The following NR2F1-AS1 variants were observed in gnomAD, a reference collection of about 807,000 sequenced individuals.
The protein encoded by NR2F1-AS1 is NR2F1 antisense RNA 1.
chr5:93,537,874 A>G (rs1751871238), intron 4 of NR2F1-AS1, among the ~76,000 whole-genome samples: 1 of 152,178 alleles, frequency 6.6e-6, no homozygotes, highest in Non-Finnish European at 1.5e-5. Context: ...ATTGATTCTC[A>G]GCTACGCCAC....
chr5:93,573,457 G>C (rs1419195922), intron 1 of NR2F1-AS1, among the ~76,000 whole-genome samples: 25 of 152,224 alleles, frequency 1.6e-4, no homozygotes, highest in African/African-American at 4.8e-4. Flanking sequence ...CACTCCCGAG[G>C]ACTTGGGGCA....
At chr5:93,449,448 T>C (rs148932809) in intron 4 of NR2F1-AS1, among the ~76,000 whole-genome samples, 77 of 152,318 alleles carry the variant, frequency 5.1e-4, no homozygotes, top group Non-Finnish European at 1.1e-3. Context: ...CCAATAGGAA[T>C]GTATGTTTTA....
intron 4 of NR2F1-AS1, among the ~76,000 whole-genome samples, chr5:93,454,091 T>A (rs1411881714): frequency 2.0e-5 from 3 of 152,160 alleles, no homozygotes; most frequent in Non-Finnish European, 4.4e-5. Context: ...CTGGGCAATA[T>A]GGCAAGACCT....
At chr5:93,573,980 A>G (rs903426622) in intron 1 of NR2F1-AS1, among the ~76,000 whole-genome samples, 1 of 152,226 alleles carries the variant, frequency 6.6e-6, no homozygotes, top group East Asian at 1.9e-4. Flanking sequence ...TAAAGCAATT[A>G]CCCATCGTTG....
At chr5:93,455,109 T>C (rs545223682) in intron 4 of NR2F1-AS1, among the ~76,000 whole-genome samples, 1 of 152,128 alleles carries the variant, frequency 6.6e-6, no homozygotes, top group Non-Finnish European at 1.5e-5. Flanking sequence ...GTGGCTGGCA[T>C]CTGAAGTGAA....
chr5:93,480,235 A>G (rs1750573034), intron 4 of NR2F1-AS1, among the ~76,000 whole-genome samples: 1 of 152,216 alleles, frequency 6.6e-6, no homozygotes, highest in African/African-American at 2.4e-5. Flanking sequence ...AACTGCTGAT[A>G]GACAAAGACA....
At chr5:93,472,569 G>A (rs1750389004) in intron 4 of NR2F1-AS1, among the ~76,000 whole-genome samples, 1 of 151,714 alleles carries the variant, frequency 6.6e-6, no homozygotes, top group Non-Finnish European at 1.5e-5. Flanking sequence ...ATACATATAT[G>A]TAAAATATTT....
intron 4 of NR2F1-AS1, among the ~76,000 whole-genome samples, chr5:93,538,716 T>G (rs551044111): frequency 6.6e-6 from 1 of 152,322 alleles, no homozygotes; most frequent in Non-Finnish European, 1.5e-5. Flanking sequence ...GAGTAAATAA[T>G]TATCTTGTTT....
At chr5:93,563,587 T>C (rs1363876169) in intron 1 of NR2F1-AS1, 1 of 152,188 alleles carries the variant, frequency 6.6e-6, no homozygotes, top group Non-Finnish European at 1.5e-5. Context: ...CTAAAGAAGC[T>C]TTCCCAGACA....
At chr5:93,541,312 C>T (rs1423604378) in intron 4 of NR2F1-AS1, among the ~76,000 whole-genome samples, 2 of 152,308 alleles carry the variant, frequency 1.3e-5, no homozygotes. Flanking sequence ...CTTCCTTTGC[C>T]TCTCCTGTAT....
intron 4 of NR2F1-AS1, among the ~76,000 whole-genome samples, chr5:93,545,554 A>G (rs1206562732): frequency 2.6e-5 from 4 of 152,270 alleles, no homozygotes. Context: ...CTAAACTTCT[A>G]TTAAGTAATA....
chr5:93,450,940 CAG>C (rs1035304988), intron 4 of NR2F1-AS1, among the ~76,000 whole-genome samples: 1 of 95,762 alleles, frequency 1.0e-5, no homozygotes, highest in East Asian at 3.1e-4. Flanking sequence ...AAAAAAAAAA[CAG>C]AGAGAGAGAT....
intron 4 of NR2F1-AS1, among the ~76,000 whole-genome samples, chr5:93,514,551 C>T (rs1056012796): frequency 6.6e-6 from 1 of 152,006 alleles, no homozygotes; most frequent in Non-Finnish European, 1.5e-5. Flanking sequence ...AGTATGTAAG[C>T]GCTGACATTA....
At chr5:93,476,824 T>G (rs1026477694) in intron 4 of NR2F1-AS1, among the ~76,000 whole-genome samples, 5 of 152,050 alleles carry the variant, frequency 3.3e-5, no homozygotes, top group Admixed American at 1.3e-4. Context: ...ACCACCTTTT[T>G]GAATTGGAAA....
intron 4 of NR2F1-AS1, among the ~76,000 whole-genome samples, chr5:93,412,291 G>A (rs779467349): frequency 6.6e-6 from 1 of 152,068 alleles, no homozygotes; most frequent in Non-Finnish European, 1.5e-5. Flanking sequence ...CTAGGCCTAG[G>A]TCTCCTCTGC....
At chr5:93,430,954 C>T (rs527257852) in intron 4 of NR2F1-AS1, among the ~76,000 whole-genome samples, 11 of 152,080 alleles carry the variant, frequency 7.2e-5, no homozygotes, top group Non-Finnish European at 1.6e-4. Flanking sequence ...GGGGTCAGCA[C>T]TATACCATCT....
intron 4 of NR2F1-AS1, among the ~76,000 whole-genome samples, chr5:93,455,432 C>G (rs367923267): frequency 6.6e-6 from 1 of 151,626 alleles, no homozygotes; most frequent in African/African-American, 2.4e-5. Context: ...AATAAGTCAA[C>G]AGAAGAGAAG....
At chr5:93,491,631 G>T (rs182958595) in intron 4 of NR2F1-AS1, among the ~76,000 whole-genome samples, 6 of 152,242 alleles carry the variant, frequency 3.9e-5, no homozygotes, top group Admixed American at 6.5e-5. Flanking sequence ...ATATGGGCAG[G>T]TATCTTCCAA....
intron 4 of NR2F1-AS1, among the ~76,000 whole-genome samples, chr5:93,511,066 A>G (rs1032593167): frequency 1.3e-5 from 2 of 152,136 alleles, no homozygotes; most frequent in African/African-American, 4.8e-5. Context: ...AATTCATGTG[A>G]TGCTTAATTT....
Sources: gnomAD v4.1 joint callset for allele counts (sites outside exome capture counted in the v4.1 genomes callset) on GRCh38, gnomAD v4.1.1 for gene constraint, MANE v1.5 for transcripts, NCBI Gene and HGNC (gene_info 2026-07-23, HGNC 2026-07-21) for gene names.